GLT1D1: variants seen among roughly 807,000 people sequenced by gnomAD.
The protein encoded by GLT1D1 is glycosyltransferase 1 domain-containing protein 1.
In GLT1D1, 21 loss-of-function variants were observed where a neutral mutation model predicts 28.7. The observed-to-expected ratio is 0.73, with a 90% confidence interval of 0.52 to 1.05. The LOEUF (loss-of-function observed/expected upper bound fraction) is 1.05, where lower values mean the gene tolerates loss of function less well. Among genes scored for constraint, GLT1D1 ranks in the 50% least tolerant of loss-of-function variants. GLT1D1 has a pLI of 0.00. For missense variants in GLT1D1, 343 were observed against 330.6 expected (o/e 1.04, Z -0.29); for synonymous variants, 147 against 124.8 (o/e 1.18, Z -1.19).
intron 7 of GLT1D1, among the ~76,000 whole-genome samples, chr12:128,978,624 A>G (rs1207970273): frequency 6.6e-6 from 1 of 152,116 alleles, no homozygotes; most frequent in Non-Finnish European, 1.5e-5. Flanking sequence ...AGGGGTCCCG[A>G]TCCAGACCCC....
rs894132675 is a variant in GLT1D1 at position 128,912,420 on chromosome 12, A to C, written c.375+13133A>C. ...TTCTTTTCTCTCTCCCCTCCTTTCA[A>C]AAGCCGCATGCTAAGGGTAAGGTCT... On this transcript the variant is annotated intron_variant, in intron 4 of 7. Coordinates refer to ENST00000281703, the MANE Select transcript of GLT1D1 (RefSeq NM_144669.3). The C allele has an allele frequency of 6.6e-7, 1 of 1,524,212 alleles. No homozygotes were observed. Among genetic ancestry groups the C allele is most frequent in the Admixed American group, 2.0e-5 (1 of 50,360 alleles). The allele number at this position is 1,524,212 out of a possible 1,614,324, so 94.4% of individuals were successfully genotyped here. A position where few individuals can be genotyped will look rare whatever the true frequency, so the allele number is the denominator to read the frequency against.
intron 4 of GLT1D1, among the ~76,000 whole-genome samples, chr12:128,925,308 T>C (rs550310420): frequency 2.6e-5 from 4 of 152,316 alleles, no homozygotes; most frequent in African/African-American, 9.6e-5. Context: ...CAAGCATCCA[T>C]TAGCTATTCT....
At chr12:128,876,283 G>A (rs1956869012) in intron 2 of GLT1D1, among the ~76,000 whole-genome samples, 1 of 152,092 alleles carries the variant, frequency 6.6e-6, no homozygotes, top group African/African-American at 2.4e-5. Flanking sequence ...CATATTAAAA[G>A]TATCATCCTT....
intron 3 of GLT1D1, among the ~76,000 whole-genome samples, chr12:128,891,028 G>T (rs1868988864): frequency 6.6e-6 from 1 of 150,720 alleles, no homozygotes; most frequent in South Asian, 2.1e-4. Flanking sequence ...AACAACAAAA[G>T]AACCCGGGAG....
intron 4 of GLT1D1, among the ~76,000 whole-genome samples, chr12:128,900,851 G>T (rs535911055): frequency 1.9e-4 from 29 of 152,228 alleles, no homozygotes; most frequent in African/African-American, 7.0e-4. Context: ...GGCCAGGCTG[G>T]TCTCAAATGC....
chr12:128,866,361 G>A (rs755517154), intron 1 of GLT1D1, among the ~76,000 whole-genome samples: 5 of 151,958 alleles, frequency 3.3e-5, no homozygotes, highest in African/African-American at 1.2e-4. Flanking sequence ...GAGGCACTGC[G>A]CCCGGCAATT....
chr12:128,900,026 T>C (rs1184052511), intron 4 of GLT1D1, among the ~76,000 whole-genome samples: 1 of 152,186 alleles, frequency 6.6e-6, no homozygotes, highest in Non-Finnish European at 1.5e-5. Flanking sequence ...CACAAGTTAG[T>C]TCATTTATTG....
At position 128,920,633 on chromosome 12, in the gene GLT1D1, C is replaced by T. The variant is rs148337753; in HGVS notation, c.375+21346C>T. 2.0e-5 allele frequency among the ~76,000 whole-genome samples: 3 copies of T among 152,270 alleles called. No individual in the cohort carries two copies. The East Asian group carries it at 5.8e-4, about 29-fold the overall frequency. On this transcript the variant is annotated intron_variant, in intron 4 of 7. Coordinates refer to ENST00000281703, the MANE Select transcript of GLT1D1 (RefSeq NM_144669.3). ...ATACAGGGCATAGAGACTGCCTCAG[C>T]GTGGATTGGGTTTCTGTTCCTGAGC...
intron 6 of GLT1D1, among the ~76,000 whole-genome samples, chr12:128,956,171 A>AAAAAAAAAAAAAAAAGAGAG (rs374597920): frequency 2.3e-4 from 15 of 63,954 alleles, no homozygotes; most frequent in East Asian, 4.1e-4. Flanking sequence ...AAAAAAAAAA[A>AAAAAAAAAAAAAAAAGAGAG]AGAGAAAGAG....
intron 4 of GLT1D1, among the ~76,000 whole-genome samples, chr12:128,912,788 C>G (rs918433260): frequency 2.0e-5 from 3 of 151,900 alleles, no homozygotes; most frequent in Admixed American, 2.0e-4. Context: ...TCAGCCCCCC[C>G]AGTAGCTGGG....
At chr12:128,881,528 T>G (rs1957042955) in intron 2 of GLT1D1, among the ~76,000 whole-genome samples, 2 of 57,476 alleles carry the variant, frequency 3.5e-5, no homozygotes, top group African/African-American at 7.0e-5. Flanking sequence ...AGTGAGACTC[T>G]GTATCGAAAA....
chr12:128,930,076 A>C (rs982228547), intron 4 of GLT1D1, among the ~76,000 whole-genome samples: 1 of 152,268 alleles, frequency 6.6e-6, no homozygotes, highest in Non-Finnish European at 1.5e-5. Flanking sequence ...CAGTTTGTTA[A>C]CATACACCCA....
At chr12:128,895,708 C>G (rs372575119) in intron 3 of GLT1D1, among the ~76,000 whole-genome samples, 4 of 152,078 alleles carry the variant, frequency 2.6e-5, no homozygotes, top group East Asian at 1.9e-4. Flanking sequence ...ATCCTCCCCC[C>G]TCGGCCTCCC....
intron 7 of GLT1D1, among the ~76,000 whole-genome samples, chr12:128,971,591 T>C (rs1283590960): frequency 1.6e-4 from 10 of 63,896 alleles, no homozygotes; most frequent in Admixed American, 4.7e-4. Flanking sequence ...CCTCCCTTCT[T>C]CCCTCCTTTC....
At chr12:128,883,672 G>A (rs1426978201) in intron 2 of GLT1D1, among the ~76,000 whole-genome samples, 1 of 151,976 alleles carries the variant, frequency 6.6e-6, no homozygotes, top group Admixed American at 6.6e-5. Context: ...TACTGGGAGA[G>A]ACAAACCTCT....
chr12:128,874,550 G>A (rs138190063), intron 1 of GLT1D1, among the ~76,000 whole-genome samples: 105 of 146,284 alleles, frequency 7.2e-4, no homozygotes, highest in African/African-American at 2.6e-3. Flanking sequence ...TGGCACAGTC[G>A]TAGCTCACTC....
Position 128,914,922 on chromosome 12 carries a change from C to A in GLT1D1, c.375+15635C>A. On this transcript the variant is annotated intron_variant, in intron 4 of 7. Coordinates refer to ENST00000281703, the MANE Select transcript of GLT1D1 (RefSeq NM_144669.3). ...AAGTGAACTTGCCCTTTTTTTGTTTCTTTGACCCAGGAATTGCAACAACAC... is the reference window on the plus strand; with the variant it reads ...AAGTGAACTTGCCCTTTTTTTGTTTATTTGACCCAGGAATTGCAACAACAC... 1 of 1,532,518 alleles carries A rather than the reference C, an allele frequency of 6.5e-7. No homozygotes were observed. The highest frequency in any genetic ancestry group is 8.7e-7 in the Non-Finnish European group (1 of 1,145,516). 94.9% of individuals were successfully genotyped at this position (1,532,518 alleles called of 1,614,324 possible).
intron 7 of GLT1D1, among the ~76,000 whole-genome samples, chr12:128,977,885 C>T (rs919136672): frequency 2.0e-5 from 3 of 150,784 alleles, no homozygotes; most frequent in Non-Finnish European, 4.4e-5. Context: ...CAGGTTCAAG[C>T]GATCCTCCTA....
At chr12:128,941,143 G>A (rs1188839864) in intron 4 of GLT1D1, among the ~76,000 whole-genome samples, 2 of 152,154 alleles carry the variant, frequency 1.3e-5, no homozygotes, top group Non-Finnish European at 2.9e-5. Context: ...CACCCTTGTT[G>A]CTGCCTAAGT....
Sources: allele counts gnomAD v4.1 joint callset (sites outside exome capture counted in the v4.1 genomes callset), GRCh38; gene constraint gnomAD v4.1.1; transcripts MANE v1.5; gene names NCBI Gene and HGNC (gene_info 2026-07-23, HGNC 2026-07-21).